The following CCT3 variants were observed in gnomAD, a reference collection of about 807,000 sequenced individuals.
The protein encoded by CCT3 is chaperonin containing TCP1 subunit 3.
Under a neutral mutation model 65.3 loss-of-function variants are expected in CCT3, and 10 were observed. That is an observed-to-expected ratio of 0.15 (90% CI 0.09 to 0.26). The LOEUF (loss-of-function observed/expected upper bound fraction) is 0.26. Among genes scored for constraint, CCT3 ranks in the 10% least tolerant of loss-of-function variants. The pLI is 1.00. For synonymous variants in CCT3, 225 were observed against 242.3 expected (o/e 0.93, Z 0.66); for missense variants, 626 against 708.7 (o/e 0.88, Z 1.33).
At chr1:156,337,097 G>T in intron 1 of CCT3, 1 of 1,285,526 alleles carries the variant, frequency 7.8e-7, no homozygotes, top group Non-Finnish European at 1.0e-6. Flanking sequence ...GACAATGGAG[G>T]TGGTGCTCAT....
chr1:156,315,650 G>C (rs1342679538), intron 10 of CCT3, among the ~76,000 whole-genome samples: 1 of 152,102 alleles, frequency 6.6e-6, no homozygotes, highest in Non-Finnish European at 1.5e-5. Context: ...ATTAGGAGTG[G>C]GGGAGTCAAA....
At chr1:156,325,424 G>A (rs562362639) in intron 5 of CCT3, among the ~76,000 whole-genome samples, 4 of 152,192 alleles carry the variant, frequency 2.6e-5, no homozygotes, top group Admixed American at 1.3e-4. Context: ...CTACTCAGGA[G>A]GCTGAGGTTA....
intron 10 of CCT3, among the ~76,000 whole-genome samples, chr1:156,314,457 G>A (rs1236957620): frequency 6.6e-6 from 1 of 152,212 alleles, no homozygotes; most frequent in East Asian, 1.9e-4. Flanking sequence ...GCTCACGCCT[G>A]TAATCCCAGC....
Position 156,329,303 on chromosome 1 carries a change from C to CT in CCT3, c.305-4215dup, listed in dbSNP as rs765770849. On this transcript the variant is annotated intron_variant, in intron 5 of 13. Coordinates refer to ENST00000295688, the MANE Select transcript of CCT3 (RefSeq NM_005998.5). ...CATTTGTCTCAGAACGTATCCCCAT[C>CT]TTTTTTTTTTTTTTTTTTTTTGAGA... is the stretch of plus-strand genomic sequence containing the variant. 5.8e-3 allele frequency among the ~76,000 whole-genome samples: 688 copies of CT among 119,522 alleles called. 6 individuals carry two copies. The highest frequency in any genetic ancestry group is 0.012 in the African/African-American group (382 of 32,442). The allele number at this position is 119,522 out of a possible 152,430, so 78.4% of individuals were successfully genotyped here. A position where few individuals can be genotyped will look rare whatever the true frequency, so the allele number is the denominator to read the frequency against.
At chr1:156,316,320 T>A (rs964396201) in intron 10 of CCT3, among the ~76,000 whole-genome samples, 3 of 152,074 alleles carry the variant, frequency 2.0e-5, no homozygotes, top group Non-Finnish European at 4.4e-5. Context: ...CCACAAACTT[T>A]AGTATTCAAG....
intron 7 of CCT3, among the ~76,000 whole-genome samples, chr1:156,320,026 A>G (rs1037299651): frequency 5.9e-5 from 9 of 152,152 alleles, no homozygotes; most frequent in African/African-American, 2.2e-4. Context: ...TAACAACAAA[A>G]CTATTTGAAG....
chr1:156,328,564 C>A (rs1252655387), intron 5 of CCT3, among the ~76,000 whole-genome samples: 1 of 151,782 alleles, frequency 6.6e-6, no homozygotes, highest in Non-Finnish European at 1.5e-5. Context: ...TACCCCCAAC[C>A]CTGTGCTCTC....
chr1:156,325,495 T>C (rs565712232), intron 5 of CCT3, among the ~76,000 whole-genome samples: 11 of 151,930 alleles, frequency 7.2e-5, no homozygotes, highest in Admixed American at 3.9e-4. Flanking sequence ...ACCATTGCAC[T>C]CCAATCTGGG....
chr1:156,326,235 G>A (rs1229144405), intron 5 of CCT3, among the ~76,000 whole-genome samples: 1 of 152,048 alleles, frequency 6.6e-6, no homozygotes, highest in Non-Finnish European at 1.5e-5. Flanking sequence ...AACCTGGGCT[G>A]GGAGGACTCA....
chr1:156,311,235 T>C (rs374558469), intron 11 of CCT3, 40 bp from the exon 12 acceptor site: 3 of 1,590,622 alleles, frequency 1.9e-6, no homozygotes, highest in Non-Finnish European at 2.6e-6. Context: ...CAAAGCTTGA[T>C]GACTCATAAA....
chr1:156,329,616 C>A (rs1361048425), intron 5 of CCT3, among the ~76,000 whole-genome samples: 6 of 151,512 alleles, frequency 4.0e-5, no homozygotes, highest in African/African-American at 1.5e-4. Context: ...ATATCCCCAT[C>A]ATTAAGCAGC....
At chr1:156,334,311 T>C (rs144089068) in intron 4 of CCT3, among the ~76,000 whole-genome samples, 2 of 151,342 alleles carry the variant, frequency 1.3e-5, no homozygotes, top group East Asian at 3.9e-4. Context: ...TATTTTAAAA[T>C]AGGGTTTTTG....
intron 5 of CCT3, among the ~76,000 whole-genome samples, chr1:156,328,344 G>C (rs1235571508): frequency 6.6e-6 from 1 of 152,126 alleles, no homozygotes; most frequent in Non-Finnish European, 1.5e-5. Context: ...CCACGACCCT[G>C]TCTGGGAGGT....
At chr1:156,333,906 G>A (rs1439601666) in intron 4 of CCT3, among the ~76,000 whole-genome samples, 1 of 152,182 alleles carries the variant, frequency 6.6e-6, no homozygotes, top group Non-Finnish European at 1.5e-5. Flanking sequence ...TTATTTACTG[G>A]AAGCACTATT....
intron 10 of CCT3, among the ~76,000 whole-genome samples, chr1:156,316,235 G>T (rs1262616629): frequency 1.3e-5 from 2 of 152,034 alleles, no homozygotes; most frequent in Middle Eastern, 3.2e-3. Flanking sequence ...CAATCTAAAG[G>T]TGATTTAAAG....
chr1:156,327,394 G>C (rs1015735078), intron 5 of CCT3, among the ~76,000 whole-genome samples: 3 of 152,106 alleles, frequency 2.0e-5, no homozygotes, highest in African/African-American at 7.2e-5. Flanking sequence ...CTCCCTGCCT[G>C]ATTCTCCTGC....
chr1:156,335,610 G>A, intron 2 of CCT3: 3 of 507,572 alleles, frequency 5.9e-6, no homozygotes, highest in African/African-American at 3.8e-5. Context: ...ACAGAATAAT[G>A]CACAAGTTAA....
intron 4 of CCT3, among the ~76,000 whole-genome samples, chr1:156,334,206 T>A (rs944041300): frequency 1.4e-5 from 2 of 140,326 alleles, no homozygotes; most frequent in South Asian, 2.2e-4. Flanking sequence ...ATCACTGTAC[T>A]CCAGCCTGGG....
intron 10 of CCT3, among the ~76,000 whole-genome samples, chr1:156,314,376 T>C (rs1280383135): frequency 1.3e-5 from 2 of 152,126 alleles, no homozygotes; most frequent in African/African-American, 2.4e-5. Flanking sequence ...GATATGAATC[T>C]TGGAGAAACT....
Sources: allele counts gnomAD v4.1 joint callset (sites outside exome capture counted in the v4.1 genomes callset), GRCh38; gene constraint gnomAD v4.1.1; transcripts MANE v1.5; gene names NCBI Gene and HGNC (gene_info 2026-07-23, HGNC 2026-07-21).